Variants in IQCF3 observed in about 807,000 individuals in gnomAD.
The protein encoded by IQCF3 is IQ domain-containing protein F3.
In IQCF3, 7 loss-of-function variants were observed where a neutral mutation model predicts 5.1. That is an observed-to-expected ratio of 1.36 (90% CI 0.78 to 2.56). The LOEUF is 2.56. IQCF3 is among the 30% of genes most tolerant of loss of function. The pLI, the probability that IQCF3 is intolerant of heterozygous loss-of-function variation, is 0.00. For missense variants in IQCF3, 189 were observed against 196.5 expected (o/e 0.96, Z 0.23); for synonymous variants, 82 against 72.8 (o/e 1.13, Z -0.64).
upstream of IQCF3, chr3:51,829,323 C>A: frequency 1.3e-6 from 1 of 764,160 alleles, no homozygotes; most frequent in South Asian, 1.7e-5. Context: ...TCTCTTTATC[C>A]ATCAACTTTG....
At chr3:51,828,313 A>T (rs1656908225), upstream of IQCF3, 1 of 149,518 alleles carries the variant, frequency 6.7e-6, no homozygotes, top group African/African-American at 2.6e-5. Flanking sequence ...TGGGTTTGTC[A>T]TATATGGCTC....
At position 51,829,484 on chromosome 3, in the gene IQCF3, T is replaced by C; in HGVS notation, c.9T>C (p.Ser3=). 1 of 1,598,932 alleles carries C rather than the reference T, an allele frequency of 6.3e-7. No homozygotes were observed. The highest frequency in any genetic ancestry group is 2.3e-5 in the East Asian group (1 of 44,166). ...AACCACTGCTCCAAACCATGGGCAG[T>C]AAATGCTGTGTAAGACTCAGGCACA... MG[S]KCCKGGPDED... The change falls in exon 1 of 3, where the codon AGT becomes AGC. Residue 3 remains serine (S), a synonymous_variant. Transcript: ENST00000440739.
At chr3:51,828,224 G>A (rs1698314085), upstream of IQCF3, 1 of 152,102 alleles carries the variant, frequency 6.6e-6, no homozygotes, top group African/African-American at 2.4e-5. Context: ...TAGGAGTGGT[G>A]AGAGAGGCCA....
chr3:51,830,413 C>A lies in IQCF3; in HGVS notation c.77C>A (p.Ala26Glu). The change falls in exon 3 of 3, where the codon GCA becomes GAA. Residue 26 changes from alanine to glutamate, a missense_variant. Physicochemically the swap from Ala to Glu is moderately radical, Grantham distance 107 (BLOSUM62 -1). Transcript: ENST00000440739. This position sits in a 1 kb window ranked among gnomAD's most constrained non-coding sequence, Gnocchi z 4.1. ...ERQRRQKLLL[A>E]QLHHRKRVKA... The stretch of plus-strand genomic sequence containing the variant: ...GCTTTGCTTGGCCAGTTGCTTCTTG[C>A]ACAACTGCATCACAGAAAAAGGGTG... 1 of 1,539,152 alleles carries A rather than the reference C, an allele frequency of 6.5e-7. No individual in the cohort carries two copies. The highest frequency in any genetic ancestry group is 8.7e-7 in the Non-Finnish European group (1 of 1,145,264).
At chr3:51,829,218 G>C, upstream of IQCF3, 1 of 535,216 alleles carries the variant, frequency 1.9e-6, no homozygotes, top group Non-Finnish European at 3.4e-6. Context: ...CATGAAAAAA[G>C]TTAACAGGCA....
chr3:51,829,436 A>G lies in IQCF3; in HGVS notation c.-40A>G, dbSNP rs746341126. 6.3e-7 allele frequency: 1 copy of G among 1,586,460 alleles called. No individual in the cohort carries two copies. Among genetic ancestry groups the G allele is most frequent in the South Asian group, 1.2e-5 (1 of 86,454 alleles). ...GCCCCTGCCAAGATCAGGAAACAGC[A>G]ACCAGAGGGAGATGATCACCTGAAC... On this transcript the variant is annotated 5_prime_UTR_variant, in exon 1 of 3. Coordinates refer to ENST00000440739, the MANE Select transcript of IQCF3 (RefSeq NM_001393887.1).
chr3:51,830,631 TGCATCCGCATGTG>T lies in IQCF3; in HGVS notation c.299_311del (p.Ile100SerfsTer68). 6.2e-7 allele frequency: 1 copy of T among 1,614,008 alleles called. No individual in the cohort carries two copies. Among genetic ancestry groups the T allele is most frequent in the South Asian group, 1.1e-5 (1 of 91,078 alleles). ...GCAGGCGACGGTCAAGCTCCAGTCCTGCATCCGCATGTGGCAGTGCCGGCAATGTTACCGCCAA... is the reference window on the plus strand; with the variant it reads ...GCAGGCGACGGTCAAGCTCCAGTCCTGCAGTGCCGGCAATGTTACCGCCAA... On this transcript the variant is annotated frameshift_variant, in exon 3 of 3. Coordinates refer to ENST00000440739, the MANE Select transcript of IQCF3 (RefSeq NM_001393887.1). LOFTEE classifies it low-confidence loss of function (END_TRUNC). The surrounding 1 kb of genome is among the most constrained non-coding windows in gnomAD (Gnocchi z 4.1).
rs1164443049 is a variant in IQCF3 at position 51,829,470 on chromosome 3, C to T, written c.-6C>T. The T allele has an allele frequency of 6.3e-7, 1 of 1,597,716 alleles. No individual in the cohort carries two copies. The highest frequency in any genetic ancestry group is 1.1e-5 in the South Asian group (1 of 87,870). The stretch of plus-strand genomic sequence containing the variant: ...GAGATGATCACCTGAACCACTGCTC[C>T]AAACCATGGGCAGTAAATGCTGTGT... On this transcript the variant is annotated 5_prime_UTR_variant, in exon 1 of 3. Coordinates refer to ENST00000440739, the MANE Select transcript of IQCF3 (RefSeq NM_001393887.1).
upstream of IQCF3, chr3:51,829,338 T>C (rs1698332186): frequency 1.2e-5 from 11 of 923,402 alleles, no homozygotes; most frequent in Admixed American, 2.1e-5. Flanking sequence ...ACTTTGAGCC[T>C]GGAAAAGGCA....
In IQCF3 at chr3:51,829,441, G is replaced by C; in HGVS notation, c.-35G>C. 1 of 1,589,250 alleles carries C rather than the reference G, an allele frequency of 6.3e-7. No individual in the cohort carries two copies. Among genetic ancestry groups the C allele is most frequent in the Non-Finnish European group, 8.6e-7 (1 of 1,167,902 alleles). On this transcript the variant is annotated 5_prime_UTR_variant, in exon 1 of 3. Coordinates refer to ENST00000440739, the MANE Select transcript of IQCF3 (RefSeq NM_001393887.1). ...TGCCAAGATCAGGAAACAGCAACCA[G>C]AGGGAGATGATCACCTGAACCACTG...
upstream of IQCF3, chr3:51,829,264 TC>T: frequency 1.7e-6 from 1 of 597,308 alleles, no homozygotes; most frequent in Non-Finnish European, 3.1e-6. Context: ...GCACAATTTT[TC>T]CTCAACAGAG....
intron 1 of IQCF3, 32 bp downstream of exon 1, chr3:51,829,525 G>A (rs765276230): frequency 6.3e-7 from 1 of 1,596,348 alleles, no homozygotes; most frequent in Admixed American, 1.8e-5. Context: ...TCCCCCAGGG[G>A]TGGGAGTTGT....
At chr3:51,828,438 T>G (rs1698319352), upstream of IQCF3, 1 of 152,220 alleles carries the variant, frequency 6.6e-6, no homozygotes, top group Non-Finnish European at 1.5e-5. Context: ...AATCATGTGG[T>G]TTTTGTCTGT....
upstream of IQCF3, among the ~76,000 whole-genome samples, chr3:51,829,075 C>T (rs562875530): frequency 6.6e-6 from 1 of 152,142 alleles, no homozygotes; most frequent in South Asian, 2.1e-4. Flanking sequence ...AAAGGTAGAC[C>T]AGAATCTAAT....
At chr3:51,828,077 T>A, upstream of IQCF3, 1 of 152,286 alleles carries the variant, frequency 6.6e-6, no homozygotes, top group Non-Finnish European at 1.5e-5. Flanking sequence ...AAGAACCGAC[T>A]AATATAATGT....
upstream of IQCF3, chr3:51,828,452 T>C (rs1698319595): frequency 6.6e-6 from 1 of 152,262 alleles, no homozygotes; most frequent in South Asian, 2.1e-4. Context: ...TGTCTGTAAT[T>C]CTGTTTATGT....
chr3:51,830,502 G>C lies in IQCF3; in HGVS notation c.166G>C (p.Ala56Pro), dbSNP rs779577827. ...CCTGGTGCGCAGGACCCTGCTGGTTGCTGCCCTCAGGGCCTGGATGATTCA... is the reference window on the plus strand; with the variant it reads ...CCTGGTGCGCAGGACCCTGCTGGTTCCTGCCCTCAGGGCCTGGATGATTCA... ...GVLVRRTLLV[A>P]ALRAWMIQCW... The change falls in exon 3 of 3, where the codon GCT becomes CCT. Residue 56 changes from alanine to proline, a missense_variant. By Grantham distance (27) the Ala-to-Pro change is conservative (BLOSUM62 -1). Transcript: ENST00000440739. This position sits in a 1 kb window ranked among gnomAD's most constrained non-coding sequence, Gnocchi z 4.1. 4.3e-6 allele frequency: 7 copies of C among 1,613,960 alleles called. No individual in the cohort carries two copies. In the East Asian group the frequency reaches 8.9e-5, roughly 21 times the overall value.
At chr3:51,828,812 G>A (rs1698324053), upstream of IQCF3, 1 of 152,108 alleles carries the variant, frequency 6.6e-6, no homozygotes, top group African/African-American at 2.4e-5. Context: ...TTGTTGGTAA[G>A]CTATTTACTA....
chr3:51,830,316 C>G lies in IQCF3; in HGVS notation c.67-87C>G. ...ACCCAGGTCTCCTGGGTCCTCAAAA[C>G]CAGCAGGGAGAGGGCTGATTCTTTA... is the stretch of plus-strand genomic sequence containing the variant. On this transcript the variant is annotated intron_variant, in intron 2 of 2. Coordinates refer to ENST00000440739, the MANE Select transcript of IQCF3 (RefSeq NM_001393887.1). This position sits in a 1 kb window ranked among gnomAD's most constrained non-coding sequence, Gnocchi z 4.1. 6.8e-7 allele frequency: 1 copy of G among 1,476,330 alleles called. No individual in the cohort carries two copies. The highest frequency in any genetic ancestry group is 9.1e-7 in the Non-Finnish European group (1 of 1,102,956). 91.5% of individuals were successfully genotyped at this position (1,476,330 alleles called of 1,614,324 possible).
Sources: allele counts gnomAD v4.1 joint callset (sites outside exome capture counted in the v4.1 genomes callset), GRCh38; gene constraint gnomAD v4.1.1; non-coding constraint Gnocchi (gnomAD v3.1); transcripts MANE v1.5; gene names NCBI Gene and HGNC (gene_info 2026-07-23, HGNC 2026-07-21).